ACOT7: variants seen among roughly 807,000 people sequenced by gnomAD.
ACOT7 encodes the protein acyl-CoA thioesterase 7.
A neutral mutation model predicts 40.2 loss-of-function variants in ACOT7; 12 were observed. The ratio of observed to expected loss-of-function variants is 0.30; its 90% CI spans 0.19 to 0.48. The LOEUF (loss-of-function observed/expected upper bound fraction) is 0.48. Among genes scored for constraint, ACOT7 ranks in the 20% least tolerant of loss-of-function variants. ACOT7 has a pLI of 0.99. For synonymous variants in ACOT7, 228 were observed against 219.5 expected, an observed-to-expected ratio of 1.04 and a Z score of -0.34; for missense variants, 395 against 530.8, an observed-to-expected ratio of 0.74 and a Z score of 2.51.
At position 6,313,222 on chromosome 1, in the gene ACOT7, C is replaced by T. The variant is rs574347569; in HGVS notation, c.712+5270G>A. 2.6e-5 allele frequency among the ~76,000 whole-genome samples: 4 copies of T among 152,326 alleles called. No homozygotes were observed. In the East Asian group the frequency reaches 5.8e-4, roughly 22 times the overall value. ...CAGAAACTGCAAACTACGTGATTTG[C>T]TATCCAGATAAATGGGTTAGTAATA... is the stretch of plus-strand genomic sequence containing the variant. On this transcript the variant is annotated intron_variant, in intron 6 of 8. Transcript: ENST00000361521.
intron 2 of ACOT7, among the ~76,000 whole-genome samples, chr1:6,342,342 C>T (rs188356249): frequency 6.6e-6 from 1 of 152,152 alleles, no homozygotes; most frequent in Non-Finnish European, 1.5e-5. Flanking sequence ...AATACCATCA[C>T]CCTGGGGGTG....
At position 6,352,941 on chromosome 1, in the gene ACOT7, T is replaced by G. The variant is rs1026461131; in HGVS notation, c.144-3075A>C. On this transcript the variant is annotated intron_variant, in intron 1 of 8. Transcript: ENST00000361521. The surrounding 1 kb of genome is among the most constrained non-coding windows in gnomAD (Gnocchi z 4.5). ...TCACCCAGGCTGGAGTACAGTGGCA[T>G]GATCTTGGCTCACTGCAAACTCCGT... is the stretch of plus-strand genomic sequence containing the variant. 1.3e-5 allele frequency among the ~76,000 whole-genome samples: 2 copies of G among 151,806 alleles called. No homozygotes were observed. The highest frequency in any genetic ancestry group is 4.8e-5 in the African/African-American group (2 of 41,316).
chr1:6,348,957 T>A (rs1027466328), intron 2 of ACOT7, among the ~76,000 whole-genome samples: 1 of 152,188 alleles, frequency 6.6e-6, no homozygotes, highest in Non-Finnish European at 1.5e-5. Context: ...TGAGTCTTCC[T>A]CTTCTCTGCC....
At chr1:6,317,728 CTTT>C (rs988852778) in intron 6 of ACOT7, among the ~76,000 whole-genome samples, 2 of 135,834 alleles carry the variant, frequency 1.5e-5, no homozygotes, top group Non-Finnish European at 1.6e-5. Flanking sequence ...CAGAGTCTTT[CTTT>C]TTTTTTTTTT....
chr1:6,270,482 G>A (rs776422197), intron 8 of ACOT7, among the ~76,000 whole-genome samples: 5 of 152,224 alleles, frequency 3.3e-5, no homozygotes, highest in Admixed American at 3.3e-4. Flanking sequence ...GGCTCCCCAA[G>A]AATATGCCAG....
intron 5 of ACOT7, among the ~76,000 whole-genome samples, chr1:6,320,947 C>T (rs1571304817): frequency 1.3e-5 from 2 of 152,210 alleles, no homozygotes; most frequent in African/African-American, 2.4e-5. Flanking sequence ...TACACTTGCA[C>T]CCTTTATACA....
chr1:6,346,833 G>C (rs1313662682), intron 2 of ACOT7, among the ~76,000 whole-genome samples: 3 of 152,226 alleles, frequency 2.0e-5, no homozygotes, highest in Non-Finnish European at 4.4e-5. Context: ...AGGTAGAGCA[G>C]TGGGATCTGC....
chr1:6,356,703 G>A (rs60236289), intron 1 of ACOT7, among the ~76,000 whole-genome samples: 1 of 151,910 alleles, frequency 6.6e-6, no homozygotes, highest in Non-Finnish European at 1.5e-5. Flanking sequence ...CGGATCATGA[G>A]GTCAGGAGTT....
intron 7 of ACOT7, among the ~76,000 whole-genome samples, chr1:6,283,927 C>G (rs573927985): frequency 6.6e-6 from 1 of 152,074 alleles, no homozygotes; most frequent in African/African-American, 2.4e-5. Flanking sequence ...CCCAGGAGGT[C>G]GAGGTTGCAG....
intron 5 of ACOT7, among the ~76,000 whole-genome samples, chr1:6,326,013 G>C (rs534317889): frequency 6.6e-6 from 1 of 152,306 alleles, no homozygotes; most frequent in East Asian, 1.9e-4. Context: ...AGAAAGCTGA[G>C]TAAGAAACTC....
At chr1:6,331,576 G>A (rs1167003893) in intron 4 of ACOT7, among the ~76,000 whole-genome samples, 1 of 152,180 alleles carries the variant, frequency 6.6e-6, no homozygotes, top group Non-Finnish European at 1.5e-5. Flanking sequence ...CAGCAGCCCC[G>A]GGACACTGTC....
At chr1:6,332,466 G>A (rs929711848) in intron 4 of ACOT7, among the ~76,000 whole-genome samples, 1 of 152,194 alleles carries the variant, frequency 6.6e-6, no homozygotes, top group Admixed American at 6.5e-5. Context: ...CACAGGCTTC[G>A]CCCACAGGCC....
At position 6,289,286 on chromosome 1, in the gene ACOT7, G is replaced by C. The variant is rs564129102; in HGVS notation, c.829+5578C>G. On this transcript the variant is annotated intron_variant, in intron 7 of 8. Coordinates refer to ENST00000361521, the MANE Select transcript of ACOT7 (RefSeq NM_007274.4). The surrounding 1 kb of genome is among the most constrained non-coding windows in gnomAD (Gnocchi z 4.6). ...GGCTAATTTTTGTATTTTTAGTAGAGACGGGGTTTCACCATGTTGGCCAGG... is the reference window on the plus strand; with the variant it reads ...GGCTAATTTTTGTATTTTTAGTAGACACGGGGTTTCACCATGTTGGCCAGG... Among the ~76,000 whole-genome samples the C allele has an allele frequency of 1.3e-3, 191 of 152,214 alleles. No individual in the cohort carries two copies. The highest frequency in any genetic ancestry group is 4.5e-3 in the African/African-American group (185 of 41,518).
At chr1:6,335,292 A>G (rs1641068497) in intron 3 of ACOT7, among the ~76,000 whole-genome samples, 1 of 137,900 alleles carries the variant, frequency 7.3e-6, no homozygotes, top group Non-Finnish European at 1.5e-5. Flanking sequence ...GCGCCATTGC[A>G]CTCTAGGCTG....
chr1:6,300,338 G>C (rs752590657), intron 6 of ACOT7, among the ~76,000 whole-genome samples: 1 of 152,110 alleles, frequency 6.6e-6, no homozygotes, highest in African/African-American at 2.4e-5. Flanking sequence ...TGCCGGGGAA[G>C]CTGGTGCCAG....
intron 1 of ACOT7, chr1:6,360,454 G>T: frequency 7.1e-7 from 1 of 1,405,016 alleles, no homozygotes. Flanking sequence ...GCATCCCAGG[G>T]CCAGGGTCTT....
intron 7 of ACOT7, among the ~76,000 whole-genome samples, chr1:6,287,201 T>G (rs1188661486): frequency 6.6e-6 from 1 of 152,234 alleles, no homozygotes; most frequent in Non-Finnish European, 1.5e-5. Flanking sequence ...TAGCCGCATG[T>G]AATCAATGAG....
chr1:6,280,484 G>A (rs1019824245), intron 8 of ACOT7, among the ~76,000 whole-genome samples: 1 of 152,226 alleles, frequency 6.6e-6, no homozygotes, highest in African/African-American at 2.4e-5. Flanking sequence ...GGACACCTGG[G>A]GGCAGCAGCC....
intron 1 of ACOT7, among the ~76,000 whole-genome samples, chr1:6,383,807 C>T (rs1642393417): frequency 6.6e-6 from 1 of 151,732 alleles, no homozygotes; most frequent in African/African-American, 2.4e-5. Flanking sequence ...CGGGTTCAAG[C>T]CATTCTCCTG....
Sources: gnomAD v4.1 joint callset for allele counts (sites outside exome capture counted in the v4.1 genomes callset) on GRCh38, gnomAD v4.1.1 for gene constraint, Gnocchi (gnomAD v3.1) non-coding constraint, MANE v1.5 for transcripts, NCBI Gene and HGNC (gene_info 2026-07-23, HGNC 2026-07-21) for gene names.